The following UGT1A6 variants were observed in gnomAD, a reference collection of about 807,000 sequenced individuals.
UGT1A6 encodes the protein UDP-glucuronosyltransferase 1A6.
A neutral mutation model predicts 44.4 loss-of-function variants in UGT1A6; 32 were observed. The ratio of observed to expected loss-of-function variants is 0.72; its 90% CI spans 0.54 to 0.97. The LOEUF (loss-of-function observed/expected upper bound fraction) is 0.97. UGT1A6 is among the 50% of genes least tolerant of loss of function. UGT1A6 has a pLI of 0.00. For missense variants in UGT1A6, 685 were observed against 661.9 expected (o/e 1.03, Z -0.38); for synonymous variants, 238 against 248.5 (o/e 0.96, Z 0.40).
intron 1 of UGT1A6, among the ~76,000 whole-genome samples, chr2:233,763,394 A>G (rs567930530): frequency 6.6e-6 from 1 of 152,328 alleles, no homozygotes; most frequent in South Asian, 2.1e-4. Context: ...TTTAAACAAC[A>G]TGGCACTGGT....
At chr2:233,714,728 C>T (rs2076408539) in intron 1 of UGT1A6, among the ~76,000 whole-genome samples, 1 of 152,116 alleles carries the variant, frequency 6.6e-6, no homozygotes, top group African/African-American at 2.4e-5. Context: ...GTTGTTAAGT[C>T]TTCAAAATCT....
At chr2:233,756,295 G>A (rs1165667347) in intron 1 of UGT1A6, 3 of 152,134 alleles carry the variant, frequency 2.0e-5, no homozygotes, top group East Asian at 3.8e-4. Flanking sequence ...CACAGTATTT[G>A]TATATAACCT....
At chr2:233,724,815 G>A (rs1445822496) in intron 1 of UGT1A6, among the ~76,000 whole-genome samples, 1 of 137,052 alleles carries the variant, frequency 7.3e-6, no homozygotes, top group Admixed American at 7.2e-5. Context: ...GGCAGAGGCT[G>A]CAATCTCGGC....
chr2:233,720,934 C>T (rs1372026548), intron 1 of UGT1A6, among the ~76,000 whole-genome samples: 1 of 148,294 alleles, frequency 6.7e-6, no homozygotes, highest in Non-Finnish European at 1.5e-5. Flanking sequence ...TGGTCTTGAA[C>T]TCCTGACCTC....
Position 233,724,804 on chromosome 2 carries a change from G to A in UGT1A6, c.861+30939G>A, listed in dbSNP as rs1450931342. ...TCACTTCCCAGACGGGGTGGCGGCCGGGCAGAGGCTGCAATCTCGGCACTT... is the reference window on the plus strand; with the variant it reads ...TCACTTCCCAGACGGGGTGGCGGCCAGGCAGAGGCTGCAATCTCGGCACTT... On this transcript the variant is annotated intron_variant, in intron 1 of 4. Coordinates refer to ENST00000305139, the MANE Select transcript of UGT1A6 (RefSeq NM_001072.4). 4.1e-4 allele frequency among the ~76,000 whole-genome samples: 57 copies of A among 138,728 alleles called. 3 individuals are homozygous for A. Among genetic ancestry groups the A allele is most frequent in the Non-Finnish European group, 8.3e-4 (54 of 64,962 alleles). The allele number at this position is 138,728 out of a possible 152,430, so 91.0% of individuals were successfully genotyped here. A position where few individuals can be genotyped will look rare whatever the true frequency, so the allele number is the denominator to read the frequency against.
chr2:233,768,179 A>G, intron 3 of UGT1A6, 41 bp from the exon 4 acceptor site: 1 of 1,613,948 alleles, frequency 6.2e-7, no homozygotes, highest in East Asian at 2.2e-5. Context: ...TGTGAAACTC[A>G]GAGATGTAAC....
At chr2:233,772,217 A>G (rs759524121) in intron 4 of UGT1A6, 45 bp from the exon 5 acceptor site, 1 of 1,612,380 alleles carries the variant, frequency 6.2e-7, no homozygotes, top group South Asian at 1.1e-5. Flanking sequence ...AGGATTGTTC[A>G]TACCACAGGT....
intron 1 of UGT1A6, among the ~76,000 whole-genome samples, chr2:233,757,362 A>G (rs970680016): frequency 6.6e-6 from 1 of 151,228 alleles, no homozygotes; most frequent in Non-Finnish European, 1.5e-5. Context: ...AGACAGTGGT[A>G]GAAACATCCA....
At chr2:233,743,730 C>T (rs189214805) in intron 1 of UGT1A6, 23 of 1,367,266 alleles carry the variant, frequency 1.7e-5, no homozygotes, top group South Asian at 3.4e-5. Context: ...TCATAGATAT[C>T]GCGTTTCTTG....
chr2:233,764,974 G>A (rs1027319616), intron 1 of UGT1A6, among the ~76,000 whole-genome samples: 4 of 152,116 alleles, frequency 2.6e-5, no homozygotes, highest in African/African-American at 9.7e-5. Flanking sequence ...GAGAAGGATG[G>A]TCAGTGTCTG....
In UGT1A6 at chr2:233,709,929, AC is replaced by A. The variant is rs753284921; in HGVS notation, c.861+16067del. 8.4e-4 allele frequency among the ~76,000 whole-genome samples: 128 copies of A among 152,252 alleles called. 1 individual carries two copies. Among genetic ancestry groups the A allele is most frequent in the Non-Finnish European group, 3.8e-4 (26 of 68,008 alleles). ...CTAATACCTCCCCTCACCTTAGGCA[AC>A]CCTGGATGGTTTCTGTTGCTGGATA... On this transcript the variant is annotated intron_variant, in intron 1 of 4. Coordinates refer to ENST00000305139, the MANE Select transcript of UGT1A6 (RefSeq NM_001072.4).
At chr2:233,731,438 C>G (rs1329766124) in intron 1 of UGT1A6, among the ~76,000 whole-genome samples, 1 of 152,078 alleles carries the variant, frequency 6.6e-6, no homozygotes, top group African/African-American at 2.4e-5. Context: ...CTCCCCCAGT[C>G]CCCCACCCCA....
intron 1 of UGT1A6, among the ~76,000 whole-genome samples, chr2:233,701,060 T>C (rs1466041569): frequency 3.3e-5 from 5 of 152,358 alleles, no homozygotes; most frequent in African/African-American, 9.6e-5. Flanking sequence ...CATAATTTTT[T>C]ATGGCTGCAT....
At chr2:233,730,481 T>A (rs1335220137) in intron 1 of UGT1A6, among the ~76,000 whole-genome samples, 1 of 152,146 alleles carries the variant, frequency 6.6e-6, no homozygotes, top group Non-Finnish European at 1.5e-5. Context: ...GGCACTCACA[T>A]GAAATAGAAG....
In UGT1A6 at chr2:233,693,464, C is replaced by A. The variant is rs754901282; in HGVS notation, c.460C>A (p.Pro154Thr). ...FDALFTDPALPCGVILAEYLG... is the reference protein window; with the variant it reads ...FDALFTDPALTCGVILAEYLG... Reference sequence around the variant, plus strand: ...TGCTCTTTTCACAGACCCAGCCTTACCCTGTGGGGTGATCCTGGCTGAGTA... The same window carrying A: ...TGCTCTTTTCACAGACCCAGCCTTAACCTGTGGGGTGATCCTGGCTGAGTA... Residue 154 changes from proline (P) to threonine (T), a missense_variant, in exon 1 of 5, where the codon CCC becomes ACC. Transcript: ENST00000305139. 1.9e-6 allele frequency: 3 copies of A among 1,614,126 alleles called. No homozygotes were observed. The highest frequency in any genetic ancestry group is 2.2e-5 in the East Asian group (1 of 44,880).
chr2:233,710,222 T>A (rs1194275702), intron 1 of UGT1A6, among the ~76,000 whole-genome samples: 1 of 152,250 alleles, frequency 6.6e-6, no homozygotes. Flanking sequence ...TGAATAAAGC[T>A]GCTATGACTA....
intron 1 of UGT1A6, among the ~76,000 whole-genome samples, chr2:233,707,670 C>T (rs374059443): frequency 6.6e-6 from 1 of 151,694 alleles, no homozygotes; most frequent in East Asian, 1.9e-4. Flanking sequence ...TTTATCCATT[C>T]TACTGTTGAT....
At chr2:233,719,514 G>C (rs1307171724) in intron 1 of UGT1A6, 1 of 1,613,804 alleles carries the variant, frequency 6.2e-7, no homozygotes, top group Non-Finnish European at 8.5e-7. Context: ...TGCCCCTTAT[G>C]CAAGTCTTGC....
chr2:233,710,135 T>C (rs560967814), intron 1 of UGT1A6, among the ~76,000 whole-genome samples: 1 of 152,360 alleles, frequency 6.6e-6, no homozygotes, highest in African/African-American at 2.4e-5. Context: ...AGCATTTCAT[T>C]GTATAGATAT....
Sources: allele counts gnomAD v4.1 joint callset (sites outside exome capture counted in the v4.1 genomes callset), GRCh38; gene constraint gnomAD v4.1.1; transcripts MANE v1.5; gene names NCBI Gene and HGNC (gene_info 2026-07-23, HGNC 2026-07-21).